RYR3: variants seen among roughly 807,000 people sequenced by gnomAD.
The protein encoded by RYR3 is brain ryanodine receptor-calcium release channel.
Under a neutral mutation model 584.3 loss-of-function variants are expected in RYR3, and 207 were observed. The ratio of observed to expected loss-of-function variants is 0.35; its 90% confidence interval spans 0.32 to 0.40. The LOEUF (loss-of-function observed/expected upper bound fraction) is 0.40, where lower values mean the gene tolerates loss of function less well. RYR3 is among the 10% of genes least tolerant of loss of function. The pLI is 1.00. For missense variants in RYR3, 5,616 were observed against 6,089.2 expected (o/e 0.92, Z 2.59); for synonymous variants, 2,416 against 2,248.5 (o/e 1.07, Z -2.11).
In RYR3 at chr15:33,864,557, C is replaced by A. The variant is rs541507553; in HGVS notation, c.14517+368C>A. 6.0e-4 allele frequency among the ~76,000 whole-genome samples: 91 copies of A among 151,206 alleles called. No homozygotes were observed. The Middle Eastern group carries it at 0.01, about 17-fold the overall frequency. ...AGAGACAGGCTAAGAAAGATAACGA[C>A]CTCATGTGTGGGTGACACAGGAGCC... On this transcript the variant is annotated intron_variant, in intron 103 of 103. Transcript: ENST00000634891.
At position 33,660,191 on chromosome 15, in the gene RYR3, C is replaced by T; in HGVS notation, c.4396-6C>T. 6.5e-7 allele frequency: 1 copy of T among 1,546,370 alleles called. No homozygotes were observed. Among genetic ancestry groups the T allele is most frequent in the Admixed American group, 2.0e-5 (1 of 50,920 alleles). On this transcript the variant is annotated splice_region_variant and splice_polypyrimidine_tract_variant and intron_variant, in intron 33 of 103. Transcript: ENST00000634891. Reference sequence around the variant, plus strand: ...TCTTTTCCAATGCCTTTCCCACGTGCCCCAGAACGCAATGCCCCTGTCAGC... The same window carrying T: ...TCTTTTCCAATGCCTTTCCCACGTGTCCCAGAACGCAATGCCCCTGTCAGC...
At chr15:33,554,466 T>C (rs2056930971) in intron 10 of RYR3, among the ~76,000 whole-genome samples, 1 of 152,022 alleles carries the variant, frequency 6.6e-6, no homozygotes. Context: ...GGGCTAATTT[T>C]TTTGTATTTT....
chr15:33,351,676 A>G (rs2140933575), intron 1 of RYR3, among the ~76,000 whole-genome samples: 1 of 151,302 alleles, frequency 6.6e-6, no homozygotes, highest in South Asian at 2.1e-4. Flanking sequence ...TTATCTCAAT[A>G]GATGCAGAAA....
intron 18 of RYR3, among the ~76,000 whole-genome samples, chr15:33,611,003 C>T (rs2060155555): frequency 6.6e-6 from 1 of 152,124 alleles, no homozygotes; most frequent in Non-Finnish European, 1.5e-5. Flanking sequence ...TCAACCTGAA[C>T]TAGACTAGCA....
chr15:33,575,352 C>G (rs970084602), intron 12 of RYR3, among the ~76,000 whole-genome samples: 2 of 152,172 alleles, frequency 1.3e-5, no homozygotes, highest in African/African-American at 4.8e-5. Flanking sequence ...GACACTTACT[C>G]TAAAATCAGT....
At chr15:33,698,082 C>G in intron 40 of RYR3, 86 bp downstream of exon 40, 1 of 884,332 alleles carries the variant, frequency 1.1e-6, no homozygotes, top group Non-Finnish European at 1.9e-6. Context: ...TGGCTGGTGT[C>G]CCTTGCCTCA....
At chr15:33,402,047 GA>G (rs1335066294) in intron 1 of RYR3, among the ~76,000 whole-genome samples, 4 of 152,188 alleles carry the variant, frequency 2.6e-5, no homozygotes, top group Non-Finnish European at 5.9e-5. Context: ...AATAGATGGA[GA>G]AGCCAAACAG....
At chr15:33,407,989 A>AG (rs1162487740) in intron 1 of RYR3, among the ~76,000 whole-genome samples, 1 of 148,578 alleles carries the variant, frequency 6.7e-6, no homozygotes, top group Non-Finnish European at 1.5e-5. Flanking sequence ...GGAAAAAAAA[A>AG]TGATATCCCA....
At chr15:33,483,483 G>A (rs1286170449) in intron 2 of RYR3, among the ~76,000 whole-genome samples, 2 of 152,168 alleles carry the variant, frequency 1.3e-5, no homozygotes, top group South Asian at 2.1e-4. Context: ...TTACTAGTGT[G>A]TCTCCTTCAT....
Position 33,748,127 on chromosome 15 carries a change from A to G in RYR3, c.8003A>G (p.Tyr2668Cys). 1 of 1,613,798 alleles carries G rather than the reference A, an allele frequency of 6.2e-7. No homozygotes were observed. Among genetic ancestry groups the G allele is most frequent in the Non-Finnish European group, 8.5e-7 (1 of 1,179,870 alleles). Residue 2668 changes from tyrosine (Y) to cysteine (C), a missense_variant, in exon 54 of 104, where the codon TAT becomes TGT. Physicochemically the swap from Tyr to Cys is radical, Grantham distance 194. This residue lies in a region of RYR3 where 1,280 missense variants were observed against 1,426.2 expected (regional missense o/e 0.90). Transcript: ENST00000634891. ...KTLTEKEKEI[Y>C]RWPARESLKT... The stretch of plus-strand genomic sequence containing the variant: ...ATTCTCTTCTAGGAGAAGGAAATTT[A>G]TCGCTGGCCTGCGCGAGAGTCCCTG...
intron 48 of RYR3, among the ~76,000 whole-genome samples, chr15:33,732,061 T>C (rs1210716983): frequency 3.3e-5 from 5 of 152,080 alleles, no homozygotes; most frequent in Non-Finnish European, 5.9e-5. Context: ...ATATCTTACA[T>C]AGAAGCCAGA....
intron 60 of RYR3, among the ~76,000 whole-genome samples, chr15:33,762,654 A>G (rs532911147): frequency 1.3e-5 from 2 of 152,352 alleles, no homozygotes; most frequent in East Asian, 1.9e-4. Context: ...ATGCTCATGG[A>G]TAGGAAGAAT....
At chr15:33,621,582 T>C (rs1057416236) in intron 19 of RYR3, among the ~76,000 whole-genome samples, 1 of 152,250 alleles carries the variant, frequency 6.6e-6, no homozygotes, top group African/African-American at 2.4e-5. Context: ...TGTGTCCTAT[T>C]ACATAACACT....
intron 53 of RYR3, among the ~76,000 whole-genome samples, chr15:33,747,398 C>T (rs1466255300): frequency 2.1e-5 from 2 of 97,550 alleles, no homozygotes; most frequent in East Asian, 3.2e-4. Context: ...TTTTTTGAGA[C>T]GGAGTTTCAC....
At chr15:33,547,417 C>A (rs2056328568) in intron 8 of RYR3, among the ~76,000 whole-genome samples, 1 of 152,180 alleles carries the variant, frequency 6.6e-6, no homozygotes, top group Admixed American at 6.5e-5. Context: ...TAATGACATA[C>A]TCGTGTTGGT....
intron 2 of RYR3, among the ~76,000 whole-genome samples, chr15:33,499,919 A>G (rs952043669): frequency 1.3e-5 from 2 of 152,230 alleles, no homozygotes; most frequent in Non-Finnish European, 2.9e-5. Flanking sequence ...AACAGAGAAG[A>G]GACAGGGGCT....
In RYR3 at chr15:33,788,234, C is replaced by T. The variant is rs754267451; in HGVS notation, c.9606C>T (p.Ile3202=). The T allele has an allele frequency of 5.6e-6, 9 of 1,613,940 alleles. No homozygotes were observed. The Admixed American group carries it at 1.3e-4, about 24-fold the overall frequency. The change falls in exon 67 of 104, where the codon ATC becomes ATT. Residue 3202 remains isoleucine, a synonymous_variant. Transcript: ENST00000634891. The part of the protein sequence containing the change: ...MKRIAVYAQP[I]ISKARPDLLR... ...TAAACGCAGTGTATGCACAGCCCAT[C>T]ATCAGCAAAGCCAGGCCCGACCTGC... is the stretch of plus-strand genomic sequence containing the variant.
At chr15:33,516,088 A>C (rs965453017) in intron 3 of RYR3, among the ~76,000 whole-genome samples, 10 of 152,164 alleles carry the variant, frequency 6.6e-5, no homozygotes, top group South Asian at 2.1e-4. Flanking sequence ...GTATTAAACT[A>C]TGTTTAAAAA....
At chr15:33,846,733 G>A (rs1297399575) in intron 93 of RYR3, among the ~76,000 whole-genome samples, 1 of 152,158 alleles carries the variant, frequency 6.6e-6, no homozygotes, top group Admixed American at 6.5e-5. Context: ...CAAGCTGCCT[G>A]GGTTGAACTC....
Sources: allele counts gnomAD v4.1 joint callset (sites outside exome capture counted in the v4.1 genomes callset), GRCh38; gene constraint gnomAD v4.1.1; regional missense constraint gnomAD v4.1.1; transcripts MANE v1.5; gene names NCBI Gene and HGNC (gene_info 2026-07-23, HGNC 2026-07-21).